The following UTRN variants were observed in gnomAD, a reference collection of about 807,000 sequenced individuals.
UTRN encodes dystrophin-related protein 1.
A neutral mutation model predicts 463.9 loss-of-function variants in UTRN; 283 were observed. That is an observed-to-expected ratio of 0.61 (90% confidence interval 0.55 to 0.67). The LOEUF (loss-of-function observed/expected upper bound fraction) is 0.67, where lower values mean the gene tolerates loss of function less well. UTRN is among the 30% of genes least tolerant of loss of function. The probability of loss-of-function intolerance (pLI) is 0.00; values close to 1 mark genes in which losing one functional copy is unlikely to be tolerated. For synonymous variants in UTRN, 1,442 were observed against 1,431.5 expected, an observed-to-expected ratio of 1.01 and a Z score of -0.17; for missense variants, 3,922 against 4,084.3, an observed-to-expected ratio of 0.96 and a Z score of 1.08.
At chr6:144,783,901 A>T (rs1165948308) in intron 61 of UTRN, among the ~76,000 whole-genome samples, 1 of 152,136 alleles carries the variant, frequency 6.6e-6, no homozygotes, top group African/African-American at 2.4e-5. Context: ...TCTCTGTCTG[A>T]TATTTTTTAA....
rs1562482095 is a variant in UTRN at position 144,492,928 on chromosome 6, GT to G, written c.4438-372del. ...CAGTAGCCAGTGTTGGCTTGTTTTA[GT>G]CATAACATGCAAGATTTTTTAAAAA... On this transcript the variant is annotated intron_variant, in intron 32 of 74. Transcript: ENST00000367545. Among the ~76,000 whole-genome samples, 8 of 152,284 alleles carry G rather than the reference GT, an allele frequency of 5.3e-5. No individual in the cohort carries two copies. The South Asian group carries it at 1.7e-3, about 32-fold the overall frequency.
chr6:144,744,025 T>G (rs1367902392), intron 54 of UTRN, among the ~76,000 whole-genome samples: 1 of 149,998 alleles, frequency 6.7e-6, no homozygotes, highest in Non-Finnish European at 1.5e-5. Flanking sequence ...CGGTGGCTTA[T>G]GCCTGTAATC....
intron 2 of UTRN, among the ~76,000 whole-genome samples, chr6:144,370,222 C>A (rs1779860300): frequency 6.6e-6 from 1 of 152,204 alleles, no homozygotes; most frequent in Non-Finnish European, 1.5e-5. Flanking sequence ...CCCTCCCATC[C>A]CAAGCCAGGA....
At chr6:144,792,604 T>C (rs566529741) in intron 62 of UTRN, among the ~76,000 whole-genome samples, 1 of 152,198 alleles carries the variant, frequency 6.6e-6, no homozygotes, top group Non-Finnish European at 1.5e-5. Flanking sequence ...AGGTACTGTT[T>C]GAAAATAGTT....
intron 35 of UTRN, 144 bp from the exon 36 acceptor site, chr6:144,513,765 G>A: frequency 2.4e-6 from 2 of 834,204 alleles, no homozygotes; most frequent in Admixed American, 3.0e-5. Flanking sequence ...GTTATTCACT[G>A]AAGAAGAGCT....
At chr6:144,479,114 G>GTTTTTTTTTTT (rs36044387) in intron 25 of UTRN, among the ~76,000 whole-genome samples, 1 of 114,788 alleles carries the variant, frequency 8.7e-6, no homozygotes, top group East Asian at 2.6e-4. Context: ...GCTTCTAGGG[G>GTTTTTTTTTTT]TTTTTTTTTT....
intron 52 of UTRN, among the ~76,000 whole-genome samples, chr6:144,694,114 G>A (rs1024367476): frequency 6.6e-6 from 1 of 151,884 alleles, no homozygotes; most frequent in African/African-American, 2.4e-5. Context: ...GTTGAATTTT[G>A]TTGAAAGCCT....
Position 144,428,878 on chromosome 6 carries a change from C to CT in UTRN, c.680dup (p.Leu228ValfsTer4). The CT allele has an allele frequency of 6.2e-7, 1 of 1,605,848 alleles. No homozygotes were observed. ...TCAAACTTATTTGGGAATTGAAAAG[C>CT]TGTTAGATCCTGAAGGTATTGTCCA... is the stretch of plus-strand genomic sequence containing the variant. On this transcript the variant is annotated frameshift_variant, in exon 8 of 75. Coordinates refer to ENST00000367545, the MANE Select transcript of UTRN (RefSeq NM_007124.3). LOFTEE classifies it high-confidence loss of function.
At chr6:144,697,498 T>G (rs992742504) in intron 52 of UTRN, among the ~76,000 whole-genome samples, 9 of 152,118 alleles carry the variant, frequency 5.9e-5, no homozygotes, top group African/African-American at 1.7e-4. Flanking sequence ...AAAATGAAAC[T>G]AGAACACTGA....
At chr6:144,737,895 C>T (rs1043392785) in intron 54 of UTRN, among the ~76,000 whole-genome samples, 1 of 151,980 alleles carries the variant, frequency 6.6e-6, no homozygotes, top group African/African-American at 2.4e-5. Context: ...AACAATCTCT[C>T]ATCCTTTGCA....
intron 3 of UTRN, among the ~76,000 whole-genome samples, chr6:144,404,808 G>A (rs1322971820): frequency 6.6e-6 from 1 of 152,100 alleles, no homozygotes; most frequent in African/African-American, 2.4e-5. Context: ...CAGAATAATT[G>A]AAAAGAAATT....
chr6:144,339,696 A>C (rs1309974871), intron 2 of UTRN, among the ~76,000 whole-genome samples: 1 of 152,212 alleles, frequency 6.6e-6, no homozygotes, highest in Non-Finnish European at 1.5e-5. Flanking sequence ...CTATGAGCAG[A>C]AGTCTAGTTT....
At chr6:144,398,988 G>T (rs1782701442) in intron 2 of UTRN, among the ~76,000 whole-genome samples, 1 of 152,156 alleles carries the variant, frequency 6.6e-6, no homozygotes, top group African/African-American at 2.4e-5. Context: ...CATTTGAAAT[G>T]TTAATTATCT....
At chr6:144,576,192 T>C (rs1031425749) in intron 50 of UTRN, among the ~76,000 whole-genome samples, 4 of 152,196 alleles carry the variant, frequency 2.6e-5, no homozygotes, top group African/African-American at 9.6e-5. Context: ...AGTTGGCCAT[T>C]ATAGATAATG....
chr6:144,626,107 G>C (rs1370814063), intron 51 of UTRN, among the ~76,000 whole-genome samples: 2 of 152,110 alleles, frequency 1.3e-5, no homozygotes, highest in Non-Finnish European at 2.9e-5. Context: ...GACTTGTATA[G>C]TTATTAATTA....
chr6:144,426,857 A>G (rs1431880116), intron 7 of UTRN, among the ~76,000 whole-genome samples: 1 of 152,242 alleles, frequency 6.6e-6, no homozygotes, highest in Non-Finnish European at 1.5e-5. Flanking sequence ...AATTGTCTTT[A>G]ATGAAACTTG....
At chr6:144,513,787 T>G in intron 35 of UTRN, 122 bp from the exon 36 acceptor site, 1 of 1,101,780 alleles carries the variant, frequency 9.1e-7, no homozygotes, top group Admixed American at 2.8e-5. Flanking sequence ...TGCAGGAAGG[T>G]GAAAGCTCTC....
intron 51 of UTRN, among the ~76,000 whole-genome samples, chr6:144,648,162 G>C (rs922395782): frequency 1.3e-5 from 2 of 152,144 alleles, no homozygotes; most frequent in Admixed American, 1.3e-4. Flanking sequence ...TCACTGATGC[G>C]TCTTCTCCTT....
chr6:144,555,092 G>A (rs1799261089), intron 49 of UTRN, among the ~76,000 whole-genome samples, 199 bp downstream of exon 49: 1 of 152,106 alleles, frequency 6.6e-6, no homozygotes, highest in Non-Finnish European at 1.5e-5. Flanking sequence ...GTAAGAATAT[G>A]CATGTCTCCG....
Sources: allele counts gnomAD v4.1 joint callset (sites outside exome capture counted in the v4.1 genomes callset), GRCh38; gene constraint gnomAD v4.1.1; transcripts MANE v1.5; gene names NCBI Gene and HGNC (gene_info 2026-07-23, HGNC 2026-07-21).